Variants in KCNMB4 observed in about 807,000 individuals in gnomAD.
KCNMB4 encodes the protein potassium calcium-activated channel subfamily M regulatory beta subunit 4.
In KCNMB4, 3 loss-of-function variants were observed where a neutral mutation model predicts 20.7. That is an observed-to-expected ratio of 0.14 (90% confidence interval 0.07 to 0.37). KCNMB4 has a LOEUF of 0.37. KCNMB4 is among the 10% of genes least tolerant of loss of function. The probability of loss-of-function intolerance (pLI) is 1.00; values close to 1 mark genes in which losing one functional copy is unlikely to be tolerated. For synonymous variants in KCNMB4, 110 were observed against 113.4 expected, an observed-to-expected ratio of 0.97 and a Z score of 0.19; for missense variants, 168 against 265.9, an observed-to-expected ratio of 0.63 and a Z score of 2.56.
intron 2 of KCNMB4, among the ~76,000 whole-genome samples, chr12:70,423,219 T>C (rs1869117399): frequency 6.6e-6 from 1 of 152,218 alleles, no homozygotes; most frequent in Non-Finnish European, 1.5e-5. Flanking sequence ...TGCAAATTTT[T>C]CTCTCCAAAA....
In KCNMB4 at chr12:70,412,475, A is replaced by G. The variant is rs1868806348; in HGVS notation, c.464+12139A>G. On this transcript the variant is annotated intron_variant, in intron 2 of 2. Transcript: ENST00000258111. Reference sequence around the variant, plus strand: ...TAGAAATAGGCATCTGAATATGTTTATAACCAATAGAGTGAAAAATGATTG... The same window carrying G: ...TAGAAATAGGCATCTGAATATGTTTGTAACCAATAGAGTGAAAAATGATTG... 2.6e-5 allele frequency among the ~76,000 whole-genome samples: 4 copies of G among 152,228 alleles called. No homozygotes were observed. In the South Asian group the frequency reaches 8.3e-4, roughly 32 times the overall value.
At chr12:70,422,689 C>T in intron 2 of KCNMB4, 4 of 1,287,832 alleles carry the variant, frequency 3.1e-6, no homozygotes, top group Non-Finnish European at 3.0e-6. Context: ...AAGTCATAAG[C>T]ATCCTTCTGG....
chr12:70,415,898 A>G (rs1190203025), intron 2 of KCNMB4, among the ~76,000 whole-genome samples: 1 of 152,222 alleles, frequency 6.6e-6, no homozygotes, highest in Non-Finnish European at 1.5e-5. Flanking sequence ...ACAGCTGACT[A>G]GTGAGAGCCA....
Position 70,382,221 on chromosome 12 carries a change from G to A in KCNMB4, c.336+15151G>A, listed in dbSNP as rs541671810. 7.0e-4 allele frequency among the ~76,000 whole-genome samples: 106 copies of A among 151,806 alleles called. 1 individual carries two copies. Among genetic ancestry groups the A allele is most frequent in the African/African-American group, 2.4e-3 (98 of 41,456 alleles). ...AGCACTTTGGGAGGCCGAGGCGGGCGGATCACGAGGTCAGGAGATCGAGAC... is the reference window on the plus strand; with the variant it reads ...AGCACTTTGGGAGGCCGAGGCGGGCAGATCACGAGGTCAGGAGATCGAGAC... On this transcript the variant is annotated intron_variant, in intron 1 of 2. Coordinates refer to ENST00000258111, the MANE Select transcript of KCNMB4 (RefSeq NM_014505.6).
At chr12:70,406,018 C>T (rs1868590127) in intron 2 of KCNMB4, among the ~76,000 whole-genome samples, 1 of 152,092 alleles carries the variant, frequency 6.6e-6, no homozygotes. Context: ...GTGAAAGAAG[C>T]CAGACACAAA....
At chr12:70,423,948 A>G (rs1422130721) in intron 2 of KCNMB4, among the ~76,000 whole-genome samples, 1 of 152,262 alleles carries the variant, frequency 6.6e-6, no homozygotes, top group Admixed American at 6.5e-5. Flanking sequence ...TAAATTAACC[A>G]GAGAAAAAGC....
chr12:70,422,414 C>A (rs1452253046), intron 2 of KCNMB4, among the ~76,000 whole-genome samples: 1 of 152,212 alleles, frequency 6.6e-6, no homozygotes. Context: ...GAAAGTCCTC[C>A]TCTCTGGTGT....
intron 2 of KCNMB4, among the ~76,000 whole-genome samples, chr12:70,418,278 A>C (rs1052979655): frequency 6.6e-6 from 1 of 152,120 alleles, no homozygotes; most frequent in South Asian, 2.1e-4. Context: ...TCTCACACCC[A>C]CGTTGCAAGT....
At chr12:70,391,399 C>G (rs973661067) in intron 1 of KCNMB4, among the ~76,000 whole-genome samples, 1 of 151,970 alleles carries the variant, frequency 6.6e-6, no homozygotes, top group Non-Finnish European at 1.5e-5. Context: ...AACTCCAGGG[C>G]TCAAGCTATC....
chr12:70,399,690 A>T (rs1868403607), intron 1 of KCNMB4, among the ~76,000 whole-genome samples: 1 of 152,194 alleles, frequency 6.6e-6, no homozygotes, highest in South Asian at 2.1e-4. Context: ...CTGATTATGT[A>T]TTTGAAAGGA....
At chr12:70,368,429 T>C (rs1883533495) in intron 1 of KCNMB4, among the ~76,000 whole-genome samples, 1 of 151,842 alleles carries the variant, frequency 6.6e-6, no homozygotes, top group Non-Finnish European at 1.5e-5. Flanking sequence ...CCTTAAAAAA[T>C]ATCAATAATA....
intron 2 of KCNMB4, among the ~76,000 whole-genome samples, chr12:70,419,297 G>T (rs1373415286): frequency 6.6e-6 from 1 of 152,158 alleles, no homozygotes; most frequent in African/African-American, 2.4e-5. Flanking sequence ...AAACAAAATG[G>T]CTCACCCTTA....
chr12:70,375,060 C>G (rs570150840), intron 1 of KCNMB4, among the ~76,000 whole-genome samples: 78 of 152,226 alleles, frequency 5.1e-4, no homozygotes, highest in African/African-American at 1.6e-3. Context: ...CTTTTGTTTT[C>G]TCTGTTTCAA....
At position 70,433,971 on chromosome 12, in the gene KCNMB4, T is replaced by C. The variant is rs1266279573; in HGVS notation, c.*3318T>C. On this transcript the variant is annotated 3_prime_UTR_variant, in exon 3 of 3. Transcript: ENST00000258111. ...AAATATACGCTTTTATAGGCCGGGG[T>C]TTTAGTTCATTTGACTGTAATAAAG... 2.0e-5 allele frequency: 3 copies of C among 152,134 alleles called. No homozygotes were observed. The highest frequency in any genetic ancestry group is 7.2e-5 in the African/African-American group (3 of 41,426). 9.4% of individuals were successfully genotyped at this position (152,134 alleles called of 1,614,324 possible).
intron 2 of KCNMB4, among the ~76,000 whole-genome samples, chr12:70,410,221 A>G (rs1036031631): frequency 1.3e-5 from 2 of 152,216 alleles, no homozygotes; most frequent in Non-Finnish European, 2.9e-5. Context: ...GGGATATAAT[A>G]TCAAGGAGAT....
chr12:70,402,185 C>T (rs1209630650), intron 2 of KCNMB4, among the ~76,000 whole-genome samples: 4 of 152,018 alleles, frequency 2.6e-5, no homozygotes, highest in East Asian at 1.9e-4. Flanking sequence ...TGCTTCTTGG[C>T]GGCCATACTG....
In KCNMB4 at chr12:70,432,956, T is replaced by C. The variant is rs1869407834; in HGVS notation, c.*2303T>C. On this transcript the variant is annotated 3_prime_UTR_variant, in exon 3 of 3. Transcript: ENST00000258111. Reference sequence around the variant, plus strand: ...TTAGTTTTCATTTATCAGTTTGATATTCATGCATTTACACTAAACGCTTCC... The same window carrying C: ...TTAGTTTTCATTTATCAGTTTGATACTCATGCATTTACACTAAACGCTTCC... 6.6e-6 allele frequency: 1 copy of C among 152,200 alleles called. No individual in the cohort carries two copies. 9.4% of individuals were successfully genotyped at this position (152,200 alleles called of 1,614,324 possible).
Position 70,430,522 on chromosome 12 carries a change from A to G in KCNMB4, c.502A>G (p.Ile168Val). Residue 168 changes from isoleucine to valine, a missense_variant, in exon 3 of 3, where the codon ATT becomes GTT. Coordinates refer to ENST00000258111, the MANE Select transcript of KCNMB4 (RefSeq NM_014505.6). ...GCTTCTGCATCGCACTCATGATGAG[A>G]TTGTCCTCCTGCATTGCTTCCTCTG... ...DVLLHRTHDE[I>V]VLLHCFLWPL... The G allele has an allele frequency of 6.2e-7, 1 of 1,612,952 alleles. No individual in the cohort carries two copies. Among genetic ancestry groups the G allele is most frequent in the Non-Finnish European group, 8.5e-7 (1 of 1,179,600 alleles).
rs561664592 is a variant in KCNMB4, at chr12:70,424,539, C to G, written c.465-5946C>G. On this transcript the variant is annotated intron_variant, in intron 2 of 2. Transcript: ENST00000258111. ...CTGAGGCAAGGGGATCAGTTGAAAT[C>G]AGGAGTTTGAGACCAGCCTGGCCAA... Among the ~76,000 whole-genome samples, 7 of 151,742 alleles carry G rather than the reference C, an allele frequency of 4.6e-5. No homozygotes were observed. In the South Asian group the frequency reaches 1.2e-3, roughly 27 times the overall value.
Sources: gnomAD v4.1 joint callset for allele counts (sites outside exome capture counted in the v4.1 genomes callset) on GRCh38, gnomAD v4.1.1 for gene constraint, MANE v1.5 for transcripts, NCBI Gene and HGNC (gene_info 2026-07-23, HGNC 2026-07-21) for gene names.